The following CHRM3 variants were observed in gnomAD, a reference collection of about 807,000 sequenced individuals.
CHRM3 encodes muscarinic acetylcholine receptor M3.
A neutral mutation model predicts 41.8 loss-of-function variants in CHRM3; 11 were observed. The observed-to-expected ratio is 0.26, with a 90% CI of 0.17 to 0.44. The LOEUF (loss-of-function observed/expected upper bound fraction) is 0.44, where lower values mean the gene tolerates loss of function less well. Ranked by LOEUF, CHRM3 falls within the 20% of genes least tolerant of loss-of-function variation. The probability of loss-of-function intolerance (pLI) is 1.00; values close to 1 mark genes in which losing one functional copy is unlikely to be tolerated. For missense variants in CHRM3, 571 were observed against 745.4 expected (o/e 0.77, Z 2.72); for synonymous variants, 297 against 301.4 (o/e 0.99, Z 0.15).
At chr1:239,590,759 G>T (rs1462675761) in intron 3 of CHRM3, among the ~76,000 whole-genome samples, 2 of 152,040 alleles carry the variant, frequency 1.3e-5, no homozygotes, top group Non-Finnish European at 2.9e-5. Flanking sequence ...AGGCTGAATT[G>T]CTGGATCAAA....
chr1:239,835,470 G>GTT (rs149748169), intron 6 of CHRM3, among the ~76,000 whole-genome samples: 1 of 149,550 alleles, frequency 6.7e-6, no homozygotes, highest in African/African-American at 2.5e-5. Flanking sequence ...TGTCAAAGAG[G>GTT]TTTTTTTTTT....
chr1:239,669,381 G>A (rs2149050124), intron 4 of CHRM3, among the ~76,000 whole-genome samples: 1 of 152,048 alleles, frequency 6.6e-6, no homozygotes, highest in East Asian at 1.9e-4. Context: ...TTCTCTACAC[G>A]TTGTTGTTTT....
chr1:239,714,415 A>G (rs1662130719), intron 5 of CHRM3, among the ~76,000 whole-genome samples: 1 of 152,206 alleles, frequency 6.6e-6, no homozygotes, highest in Non-Finnish European at 1.5e-5. Context: ...AAGAATGCTC[A>G]GGGGACGTTT....
At chr1:239,523,709 A>C (rs767542177) in intron 2 of CHRM3, among the ~76,000 whole-genome samples, 1 of 152,132 alleles carries the variant, frequency 6.6e-6, no homozygotes, top group Non-Finnish European at 1.5e-5. Flanking sequence ...ACAATAAGCA[A>C]CTATTGTATG....
intron 2 of CHRM3, among the ~76,000 whole-genome samples, chr1:239,537,506 G>A (rs1369227297): frequency 2.0e-5 from 3 of 152,050 alleles, no homozygotes; most frequent in African/African-American, 7.2e-5. Context: ...TCTCCCACCA[G>A]GCCCCACCTG....
intron 4 of CHRM3, among the ~76,000 whole-genome samples, chr1:239,655,856 C>G (rs569540192): frequency 2.6e-5 from 4 of 152,154 alleles, no homozygotes; most frequent in Admixed American, 2.6e-4. Context: ...AGAAAAAGAA[C>G]AGACATAAAA....
intron 5 of CHRM3, among the ~76,000 whole-genome samples, chr1:239,775,668 G>A (rs184367452): frequency 2.3e-4 from 35 of 152,272 alleles, no homozygotes; most frequent in Admixed American, 1.8e-3. Context: ...ACAAGGTATT[G>A]TAAAAGAGGA....
chr1:239,559,833 C>T lies in CHRM3; in HGVS notation c.-313+14084C>T, dbSNP rs146688437. Reference sequence around the variant, plus strand: ...TCCAGGATCTTACCCTTCTTGTTATCGCAGGACCCAATTCTTGCACAATTG... The same window carrying T: ...TCCAGGATCTTACCCTTCTTGTTATTGCAGGACCCAATTCTTGCACAATTG... On this transcript the variant is annotated intron_variant, in intron 3 of 6. Transcript: ENST00000676153. Among the ~76,000 whole-genome samples the T allele has an allele frequency of 4.1e-4, 63 of 152,230 alleles. No individual in the cohort carries two copies. In the East Asian group the frequency reaches 9.3e-3, roughly 22 times the overall value.
chr1:239,882,522 G>A (rs1463984088), intron 6 of CHRM3, among the ~76,000 whole-genome samples: 7 of 152,168 alleles, frequency 4.6e-5, no homozygotes, highest in Middle Eastern at 3.4e-3. Flanking sequence ...ATCAACCTCC[G>A]TTTTACCACT....
At chr1:239,494,424 C>T (rs1667751183) in intron 2 of CHRM3, among the ~76,000 whole-genome samples, 1 of 152,074 alleles carries the variant, frequency 6.6e-6, no homozygotes, top group Non-Finnish European at 1.5e-5. Flanking sequence ...CTTCAGTAGA[C>T]AACTTAATAT....
intron 3 of CHRM3, among the ~76,000 whole-genome samples, chr1:239,593,810 T>G (rs1200523514): frequency 3.3e-5 from 5 of 152,170 alleles, no homozygotes; most frequent in Non-Finnish European, 7.3e-5. Flanking sequence ...CCTATAACCC[T>G]TACTCAAAAT....
intron 3 of CHRM3, among the ~76,000 whole-genome samples, chr1:239,551,658 C>T (rs1235571849): frequency 6.6e-6 from 1 of 152,018 alleles, no homozygotes; most frequent in Non-Finnish European, 1.5e-5. Context: ...ACAATTGTAA[C>T]ATGAAAGATC....
chr1:239,441,540 A>G (rs1663719301), intron 1 of CHRM3, among the ~76,000 whole-genome samples: 1 of 152,190 alleles, frequency 6.6e-6, no homozygotes, highest in African/African-American at 2.4e-5. Flanking sequence ...TAGTTCACAT[A>G]TCTGTCTGCA....
intron 5 of CHRM3, among the ~76,000 whole-genome samples, chr1:239,773,762 C>T (rs1667872517): frequency 6.6e-6 from 1 of 152,128 alleles, no homozygotes; most frequent in Non-Finnish European, 1.5e-5. Flanking sequence ...ATGCTTCAAT[C>T]CCTAGACTTG....
At chr1:239,468,266 A>C (rs1029027808) in intron 1 of CHRM3, among the ~76,000 whole-genome samples, 3 of 152,198 alleles carry the variant, frequency 2.0e-5, no homozygotes, top group African/African-American at 7.2e-5. Flanking sequence ...ATATCAAGCT[A>C]TAAGATGATT....
At chr1:239,538,417 T>C (rs530937508) in intron 2 of CHRM3, among the ~76,000 whole-genome samples, 1 of 152,242 alleles carries the variant, frequency 6.6e-6, no homozygotes, top group South Asian at 2.1e-4. Context: ...TCAAACAGCT[T>C]GACCACTTCT....
At chr1:239,538,451 C>T (rs1658420182) in intron 2 of CHRM3, among the ~76,000 whole-genome samples, 1 of 152,168 alleles carries the variant, frequency 6.6e-6, no homozygotes, top group South Asian at 2.1e-4. Flanking sequence ...AGCTCTGATT[C>T]TTGAGAGGAC....
At chr1:239,846,437 T>C (rs963940546) in intron 6 of CHRM3, among the ~76,000 whole-genome samples, 3 of 152,150 alleles carry the variant, frequency 2.0e-5, no homozygotes, top group African/African-American at 7.2e-5. Flanking sequence ...ATTGCCTCAA[T>C]ATCACAGAAA....
intron 5 of CHRM3, among the ~76,000 whole-genome samples, chr1:239,700,939 T>C (rs1453566909): frequency 1.3e-5 from 2 of 152,152 alleles, no homozygotes; most frequent in East Asian, 1.9e-4. Flanking sequence ...ACTGTAGATA[T>C]GATGTGAACA....
Sources: gnomAD v4.1 joint callset for allele counts (sites outside exome capture counted in the v4.1 genomes callset) on GRCh38, gnomAD v4.1.1 for gene constraint, MANE v1.5 for transcripts, NCBI Gene and HGNC (gene_info 2026-07-23, HGNC 2026-07-21) for gene names.